Variants in RBFOX1 observed in about 807,000 individuals in gnomAD.
The protein encoded by RBFOX1 is RNA binding fox-1 homolog 1, also known as RNA binding protein fox-1 homolog 1.
In RBFOX1, 8 loss-of-function variants were observed where a neutral mutation model predicts 57.7. The ratio of observed to expected loss-of-function variants is 0.14; its 90% confidence interval spans 0.08 to 0.25. The LOEUF is 0.25. RBFOX1 is among the 10% of genes least tolerant of loss of function. RBFOX1 has a pLI of 1.00. For missense variants in RBFOX1, 611 were observed against 548.5 expected, an observed-to-expected ratio of 1.11 and a Z score of -1.14; for synonymous variants, 326 against 222.4, an observed-to-expected ratio of 1.47 and a Z score of -4.15.
Position 7,407,642 on chromosome 16 carries a change from C to G in RBFOX1, c.28-110505C>G, listed in dbSNP as rs141832958. ...AAGAAAGACTGCTTATTATAGCAAC[C>G]AAAATATGGCAGCATACCTATTATC... On this transcript the variant is annotated intron_variant, in intron 4 of 15. Coordinates refer to ENST00000550418, the MANE Select transcript of RBFOX1 (RefSeq NM_018723.4). 4.6e-5 allele frequency among the ~76,000 whole-genome samples: 7 copies of G among 152,144 alleles called. No individual in the cohort carries two copies. In the East Asian group the frequency reaches 1.2e-3, roughly 25 times the overall value.
chr16:7,016,079 C>G (rs886279351), intron 3 of RBFOX1, among the ~76,000 whole-genome samples: 5 of 152,148 alleles, frequency 3.3e-5, no homozygotes, highest in Admixed American at 1.3e-4. Context: ...AAGGCTTGTT[C>G]TTGCCAATGA....
chr16:6,816,681 AGTGAG>A (rs1284918201), intron 3 of RBFOX1, among the ~76,000 whole-genome samples: 2 of 149,028 alleles, frequency 1.3e-5, no homozygotes, highest in African/African-American at 4.9e-5. Context: ...TGGAGCTTGC[AGTGAG>A]CTGAGACTGC....
intron 3 of RBFOX1, among the ~76,000 whole-genome samples, chr16:5,716,633 C>T (rs891695887): frequency 2.6e-5 from 4 of 152,202 alleles, no homozygotes; most frequent in South Asian, 2.1e-4. Flanking sequence ...GTTCAGCCAT[C>T]GTGCAAGACA....
chr16:5,617,717 C>T (rs532133015), intron 3 of RBFOX1, among the ~76,000 whole-genome samples: 1 of 152,282 alleles, frequency 6.6e-6, no homozygotes, highest in East Asian at 1.9e-4. Flanking sequence ...GTCTTTATTT[C>T]TGTCTCTCCA....
intron 2 of RBFOX1, among the ~76,000 whole-genome samples, chr16:6,546,775 A>C (rs867578028): frequency 3.9e-5 from 6 of 152,350 alleles, no homozygotes; most frequent in Middle Eastern, 3.4e-3. Flanking sequence ...CCTAGCGGAT[A>C]CATATCCTAT....
chr16:5,819,280 C>G (rs2055760359), intron 3 of RBFOX1, among the ~76,000 whole-genome samples: 1 of 152,172 alleles, frequency 6.6e-6, no homozygotes, highest in African/African-American at 2.4e-5. Context: ...TCTGGGATCT[C>G]TTTTATAAGG....
intron 2 of RBFOX1, among the ~76,000 whole-genome samples, chr16:6,321,202 A>G (rs1205810480): frequency 6.6e-6 from 1 of 151,526 alleles, no homozygotes; most frequent in Non-Finnish European, 1.5e-5. Context: ...AGGTCAGGGT[A>G]GTTAACATAT....
chr16:6,440,929 G>A (rs2094364761), intron 2 of RBFOX1, among the ~76,000 whole-genome samples: 1 of 152,154 alleles, frequency 6.6e-6, no homozygotes, highest in South Asian at 2.1e-4. Flanking sequence ...AAGAATGGAT[G>A]CTTGATATTC....
intron 3 of RBFOX1, among the ~76,000 whole-genome samples, chr16:6,908,122 A>G (rs576854758): frequency 2.6e-5 from 4 of 151,842 alleles, no homozygotes; most frequent in South Asian, 4.2e-4. Context: ...GGACATCCAC[A>G]TGTTTTGGAG....
intron 3 of RBFOX1, among the ~76,000 whole-genome samples, chr16:6,924,144 G>A (rs1431203963): frequency 1.3e-5 from 2 of 150,526 alleles, no homozygotes; most frequent in African/African-American, 2.5e-5. Flanking sequence ...ACTCCAGCCT[G>A]GGTGACAGGA....
intron 2 of RBFOX1, among the ~76,000 whole-genome samples, chr16:6,530,910 C>A (rs2153817478): frequency 6.6e-6 from 1 of 152,272 alleles, no homozygotes; most frequent in Non-Finnish European, 1.5e-5. Flanking sequence ...GGGTCACAGC[C>A]AAACCATATC....
intron 3 of RBFOX1, among the ~76,000 whole-genome samples, chr16:7,019,396 G>A (rs1000679188): frequency 2.0e-5 from 3 of 152,164 alleles, no homozygotes; most frequent in Admixed American, 6.6e-5. Flanking sequence ...GTATGTGTGT[G>A]TTTGTGTGAG....
intron 2 of RBFOX1, among the ~76,000 whole-genome samples, chr16:6,519,859 G>T (rs572645557): frequency 6.6e-6 from 1 of 152,300 alleles, no homozygotes; most frequent in African/African-American, 2.4e-5. Context: ...CAAGATGAAA[G>T]GACTTAACCA....
intron 4 of RBFOX1, among the ~76,000 whole-genome samples, chr16:7,130,841 A>G (rs905356415): frequency 1.3e-5 from 2 of 152,170 alleles, no homozygotes; most frequent in South Asian, 2.1e-4. Flanking sequence ...CATCTCATTC[A>G]TAATCTATCA....
At chr16:6,379,945 T>C (rs2091621984) in intron 2 of RBFOX1, among the ~76,000 whole-genome samples, 1 of 151,588 alleles carries the variant, frequency 6.6e-6, no homozygotes. Context: ...GGAGAGGGGG[T>C]GTCCACATGA....
chr16:6,432,928 A>G (rs913771288), intron 2 of RBFOX1, among the ~76,000 whole-genome samples: 10 of 152,310 alleles, frequency 6.6e-5, no homozygotes, highest in East Asian at 3.9e-4. Context: ...CACTGAGCCG[A>G]GATTGCACCA....
At chr16:5,831,894 G>C (rs1162660003) in intron 3 of RBFOX1, among the ~76,000 whole-genome samples, 5 of 152,146 alleles carry the variant, frequency 3.3e-5, no homozygotes. Context: ...CTTGGATCTT[G>C]GTCACCCCAA....
intron 4 of RBFOX1, among the ~76,000 whole-genome samples, chr16:7,314,600 C>T (rs553358346): frequency 2.0e-5 from 3 of 152,300 alleles, no homozygotes; most frequent in Admixed American, 2.0e-4. Flanking sequence ...AGTGGCATCA[C>T]GGTCCTATTT....
chr16:7,221,348 T>TTTATTTGA (rs1555593206), intron 4 of RBFOX1, among the ~76,000 whole-genome samples: 2 of 144,664 alleles, frequency 1.4e-5, no homozygotes, highest in East Asian at 4.5e-4. Context: ...TATTTGATTA[T>TTTATTTGA]TTATTTATTT....
Sources: allele counts gnomAD v4.1 joint callset (sites outside exome capture counted in the v4.1 genomes callset), GRCh38; gene constraint gnomAD v4.1.1; transcripts MANE v1.5; gene names NCBI Gene and HGNC (gene_info 2026-07-23, HGNC 2026-07-21).